Variants in HS3ST3A1 observed in about 807,000 individuals in gnomAD.
HS3ST3A1 encodes the protein heparan sulfate glucosamine 3-O-sulfotransferase 3A1.
In HS3ST3A1, 19 loss-of-function variants were observed where a neutral mutation model predicts 25.7. That is an observed-to-expected ratio of 0.74 (90% CI 0.52 to 1.08). The LOEUF is 1.08. Ranked by LOEUF, HS3ST3A1 falls within the 50% of genes least tolerant of loss-of-function variation. The pLI is 0.00. For synonymous variants in HS3ST3A1, 226 were observed against 278.6 expected, an observed-to-expected ratio of 0.81 and a Z score of 1.88; for missense variants, 459 against 594.3, an observed-to-expected ratio of 0.77 and a Z score of 2.37.
At chr17:13,541,134 GA>G (rs1456535390) in intron 1 of HS3ST3A1, among the ~76,000 whole-genome samples, 1 of 152,144 alleles carries the variant, frequency 6.6e-6, no homozygotes, top group Non-Finnish European at 1.5e-5. Context: ...TCTGTGGTTT[GA>G]ATGAGTTTTT....
intron 1 of HS3ST3A1, among the ~76,000 whole-genome samples, chr17:13,586,733 G>T (rs990196714): frequency 6.6e-6 from 1 of 150,824 alleles, no homozygotes; most frequent in East Asian, 2.0e-4. Context: ...AGCCAAGCGT[G>T]GTGGCGGGCG....
At chr17:13,568,005 C>T (rs567902111) in intron 1 of HS3ST3A1, among the ~76,000 whole-genome samples, 1 of 152,160 alleles carries the variant, frequency 6.6e-6, no homozygotes, top group Non-Finnish European at 1.5e-5. Context: ...TCGCATGCTG[C>T]AGAGAAATCT....
chr17:13,548,896 ACTCTGTAAAATGGACCAATCAGTG>A (rs1002741265), intron 1 of HS3ST3A1, among the ~76,000 whole-genome samples: 1 of 152,112 alleles, frequency 6.6e-6, no homozygotes, highest in African/African-American at 2.4e-5. Flanking sequence ...ACCAATCAGC[ACTCTGTAAAATGGACCAATCAGTG>A]CTCTGTAAAA....
chr17:13,581,767 A>C (rs1469277852), intron 1 of HS3ST3A1, among the ~76,000 whole-genome samples: 1 of 152,176 alleles, frequency 6.6e-6, no homozygotes, highest in Non-Finnish European at 1.5e-5. Context: ...TTGGTCTATC[A>C]GATAAGTATT....
At chr17:13,533,249 C>T (rs942532819) in intron 1 of HS3ST3A1, among the ~76,000 whole-genome samples, 1 of 152,060 alleles carries the variant, frequency 6.6e-6, no homozygotes, top group Non-Finnish European at 1.5e-5. Flanking sequence ...AGTAATTAAA[C>T]TGCTTAATAA....
chr17:13,564,077 A>G (rs1427825944), intron 1 of HS3ST3A1, among the ~76,000 whole-genome samples: 1 of 152,214 alleles, frequency 6.6e-6, no homozygotes, highest in Non-Finnish European at 1.5e-5. Flanking sequence ...GATGGGTTTT[A>G]GGAAGTTTTT....
intron 1 of HS3ST3A1, among the ~76,000 whole-genome samples, chr17:13,498,863 C>G (rs1443836546): frequency 6.6e-6 from 1 of 151,810 alleles, no homozygotes; most frequent in East Asian, 1.9e-4. Context: ...GAATCGGCCT[C>G]TCATCAGTGA....
At chr17:13,506,799 G>A (rs568479655) in intron 1 of HS3ST3A1, among the ~76,000 whole-genome samples, 1 of 151,864 alleles carries the variant, frequency 6.6e-6, no homozygotes, top group Non-Finnish European at 1.5e-5. Context: ...GCTCACGCCT[G>A]TAATCCCAGC....
intron 1 of HS3ST3A1, among the ~76,000 whole-genome samples, chr17:13,597,765 A>G (rs886885689): frequency 2.7e-4 from 41 of 152,280 alleles, no homozygotes; most frequent in African/African-American, 9.9e-4. Context: ...TTATTACTTC[A>G]CTCTTGGAAA....
At chr17:13,517,598 G>A (rs1204057397) in intron 1 of HS3ST3A1, among the ~76,000 whole-genome samples, 1 of 152,182 alleles carries the variant, frequency 6.6e-6, no homozygotes, top group Non-Finnish European at 1.5e-5. Flanking sequence ...ATTGCAGAGT[G>A]AGTCAGATAT....
chr17:13,529,000 A>G (rs182426950), intron 1 of HS3ST3A1, among the ~76,000 whole-genome samples: 96 of 152,042 alleles, frequency 6.3e-4, no homozygotes, highest in Middle Eastern at 3.4e-3. Context: ...TGTCACAAAC[A>G]CTCTATGTAT....
At chr17:13,593,551 A>G (rs1908492884) in intron 1 of HS3ST3A1, among the ~76,000 whole-genome samples, 1 of 152,178 alleles carries the variant, frequency 6.6e-6, no homozygotes, top group South Asian at 2.1e-4. Context: ...GGTGCGGGGC[A>G]GGGGAGGGGA....
At chr17:13,546,574 G>A (rs972695354) in intron 1 of HS3ST3A1, among the ~76,000 whole-genome samples, 11 of 152,234 alleles carry the variant, frequency 7.2e-5, no homozygotes, top group Admixed American at 2.0e-4. Flanking sequence ...CCCATATTAC[G>A]CTTCTTAATT....
chr17:13,509,375 A>G (rs1199100778), intron 1 of HS3ST3A1, among the ~76,000 whole-genome samples: 1 of 152,246 alleles, frequency 6.6e-6, no homozygotes, highest in African/African-American at 2.4e-5. Flanking sequence ...AGAAAAATTA[A>G]AAGCACAAGA....
At chr17:13,544,972 G>A (rs554844590) in intron 1 of HS3ST3A1, among the ~76,000 whole-genome samples, 1 of 152,302 alleles carries the variant, frequency 6.6e-6, no homozygotes, top group South Asian at 2.1e-4. Context: ...TCAATTCTCA[G>A]CACCCTTGTC....
intron 1 of HS3ST3A1, among the ~76,000 whole-genome samples, chr17:13,573,553 C>G (rs1208891223): frequency 6.6e-6 from 1 of 152,190 alleles, no homozygotes; most frequent in Non-Finnish European, 1.5e-5. Context: ...GATTCTTCCT[C>G]TCCAGTCTTT....
intron 1 of HS3ST3A1, among the ~76,000 whole-genome samples, chr17:13,526,339 T>G (rs1260496495): frequency 6.6e-6 from 1 of 151,768 alleles, no homozygotes; most frequent in Non-Finnish European, 1.5e-5. Flanking sequence ...CGGTGATTGT[T>G]CTTTTTCCGT....
intron 1 of HS3ST3A1, among the ~76,000 whole-genome samples, chr17:13,557,150 C>A (rs923388053): frequency 6.6e-6 from 1 of 152,198 alleles, no homozygotes; most frequent in East Asian, 1.9e-4. Flanking sequence ...GAGCACGGGT[C>A]GGACGAAGGC....
At chr17:13,529,760 A>C (rs1906545089) in intron 1 of HS3ST3A1, among the ~76,000 whole-genome samples, 1 of 152,208 alleles carries the variant, frequency 6.6e-6, no homozygotes, top group Non-Finnish European at 1.5e-5. Flanking sequence ...TGAGGAATTC[A>C]AAAGCATTTC....
Sources: allele counts gnomAD v4.1 joint callset (sites outside exome capture counted in the v4.1 genomes callset), GRCh38; gene constraint gnomAD v4.1.1; transcripts MANE v1.5; gene names NCBI Gene and HGNC (gene_info 2026-07-23, HGNC 2026-07-21).